KIAA1328: variants seen among roughly 807,000 people sequenced by gnomAD.
KIAA1328 encodes KIAA1328.
A neutral mutation model predicts 68.1 loss-of-function variants in KIAA1328; 52 were observed. The ratio of observed to expected loss-of-function variants is 0.76; its 90% confidence interval spans 0.61 to 0.96. The LOEUF (loss-of-function observed/expected upper bound fraction) is 0.96, where lower values mean the gene tolerates loss of function less well. KIAA1328 is among the 40% of genes least tolerant of loss of function. The pLI is 0.00. For synonymous variants in KIAA1328, 232 were observed against 239.4 expected (o/e 0.97, Z 0.28); for missense variants, 641 against 677.6 (o/e 0.95, Z 0.60).
intron 9 of KIAA1328, among the ~76,000 whole-genome samples, chr18:37,174,522 A>G (rs908559550): frequency 3.3e-5 from 5 of 149,706 alleles, no homozygotes; most frequent in South Asian, 2.1e-4. Context: ...AGCTGGGACT[A>G]CAGGCGCCCA....
chr18:36,852,684 A>T (rs900828587), intron 4 of KIAA1328, among the ~76,000 whole-genome samples: 8 of 152,156 alleles, frequency 5.3e-5, no homozygotes, highest in African/African-American at 1.9e-4. Context: ...CCCTTCTTTA[A>T]AACAGTTTCT....
chr18:37,002,224 T>C (rs1337820673), intron 6 of KIAA1328, among the ~76,000 whole-genome samples: 1 of 126,982 alleles, frequency 7.9e-6, no homozygotes, highest in Non-Finnish European at 1.6e-5. Flanking sequence ...CTTCATTTTT[T>C]TTTCTTTTTT....
chr18:36,949,598 C>G (rs1598796036), intron 5 of KIAA1328, among the ~76,000 whole-genome samples: 1 of 2,816 alleles, frequency 3.6e-4, no homozygotes, highest in Non-Finnish European at 1.7e-3. Context: ...CTACCCAGCT[C>G]CCCCCCCCCC....
At chr18:37,106,346 A>G (rs1450716618) in intron 7 of KIAA1328, among the ~76,000 whole-genome samples, 2 of 152,128 alleles carry the variant, frequency 1.3e-5, no homozygotes, top group African/African-American at 2.4e-5. Flanking sequence ...GCAACTGCCA[A>G]TGGATATGAA....
intron 6 of KIAA1328, among the ~76,000 whole-genome samples, chr18:37,026,675 C>T (rs1282372777): frequency 6.6e-6 from 1 of 152,118 alleles, no homozygotes; most frequent in African/African-American, 2.4e-5. Flanking sequence ...ATTCAACAGC[C>T]CTTCATGCTA....
chr18:36,935,701 T>G (rs2050474296), intron 5 of KIAA1328, among the ~76,000 whole-genome samples: 3 of 152,208 alleles, frequency 2.0e-5, no homozygotes, highest in African/African-American at 7.2e-5. Flanking sequence ...CCCTCAGTAC[T>G]TTGCACTGCT....
chr18:37,221,508 G>T (rs1296990728), intron 9 of KIAA1328, among the ~76,000 whole-genome samples: 1 of 152,182 alleles, frequency 6.6e-6, no homozygotes, highest in Non-Finnish European at 1.5e-5. Context: ...GAGAGTGCTG[G>T]AGACAAACCA....
intron 4 of KIAA1328, among the ~76,000 whole-genome samples, chr18:36,870,084 G>A (rs1394251442): frequency 1.3e-5 from 2 of 151,968 alleles, no homozygotes; most frequent in Non-Finnish European, 2.9e-5. Context: ...GGATGGTCTC[G>A]ATCTCTTTAC....
At chr18:36,870,083 C>T (rs772101422) in intron 4 of KIAA1328, among the ~76,000 whole-genome samples, 8 of 151,980 alleles carry the variant, frequency 5.3e-5, no homozygotes, top group Non-Finnish European at 1.2e-4. Context: ...AGGATGGTCT[C>T]GATCTCTTTA....
intron 7 of KIAA1328, among the ~76,000 whole-genome samples, chr18:37,137,007 C>T (rs1312090327): frequency 6.6e-6 from 1 of 152,124 alleles, no homozygotes; most frequent in Non-Finnish European, 1.5e-5. Flanking sequence ...TGCTTCTGGA[C>T]AGAATTGAAG....
chr18:36,891,928 A>G (rs890725141), intron 5 of KIAA1328, among the ~76,000 whole-genome samples: 1 of 152,226 alleles, frequency 6.6e-6, no homozygotes, highest in Non-Finnish European at 1.5e-5. Flanking sequence ...TGAGGACTGT[A>G]TTAAGAATGA....
intron 4 of KIAA1328, among the ~76,000 whole-genome samples, chr18:36,877,040 A>T (rs186548780): frequency 2.0e-3 from 299 of 152,038 alleles, no homozygotes; most frequent in Non-Finnish European, 3.5e-3. Flanking sequence ...GGTCTGTGAG[A>T]CTGTTTATTA....
chr18:37,203,435 G>A (rs12961337), intron 9 of KIAA1328, among the ~76,000 whole-genome samples: 2,344 of 151,796 alleles, frequency 0.015, 34 homozygotes, highest in Non-Finnish European at 0.023. Context: ...AAAAATCCTC[G>A]TCTTTCTTAT....
chr18:36,976,626 C>T (rs1184011307), intron 6 of KIAA1328, among the ~76,000 whole-genome samples: 7 of 151,626 alleles, frequency 4.6e-5, no homozygotes, highest in Non-Finnish European at 8.8e-5. Flanking sequence ...ATATTTATTA[C>T]GTTGTTTATA....
At chr18:36,917,252 T>A (rs1404647849) in intron 5 of KIAA1328, among the ~76,000 whole-genome samples, 1 of 152,232 alleles carries the variant, frequency 6.6e-6, no homozygotes, top group South Asian at 2.1e-4. Context: ...CTGAAGAGGT[T>A]TTTTTTGTTT....
chr18:36,885,548 T>TA lies in KIAA1328; in HGVS notation c.333-9_333-8insA. On this transcript the variant is annotated splice_polypyrimidine_tract_variant and intron_variant, in intron 4 of 9. Transcript: ENST00000280020. ...ATAGATGTTAAAGGTTTTTTTTTTT[T>TA]TATTTCAGAGTAAGTGAGGAAAAGG... 3.4e-6 allele frequency: 5 copies of TA among 1,478,332 alleles called. No homozygotes were observed. The highest frequency in any genetic ancestry group is 4.5e-6 in the Non-Finnish European group (5 of 1,107,150). 91.6% of individuals were successfully genotyped at this position (1,478,332 alleles called of 1,614,324 possible). A position where few individuals can be genotyped will look rare whatever the true frequency, so the allele number is the denominator to read the frequency against.
intron 7 of KIAA1328, among the ~76,000 whole-genome samples, chr18:37,111,480 G>T (rs1012548874): frequency 1.3e-5 from 2 of 152,152 alleles, no homozygotes; most frequent in Non-Finnish European, 2.9e-5. Context: ...CCCATAACTT[G>T]TCAACTTGGC....
intron 7 of KIAA1328, among the ~76,000 whole-genome samples, chr18:37,158,682 C>T (rs2059210042): frequency 2.0e-5 from 3 of 151,880 alleles, no homozygotes; most frequent in Admixed American, 2.0e-4. Flanking sequence ...AATTAGAAGC[C>T]AAGTTTCCAG....
intron 6 of KIAA1328, among the ~76,000 whole-genome samples, chr18:36,991,641 T>A (rs1423753520): frequency 6.6e-6 from 1 of 152,226 alleles, no homozygotes; most frequent in African/African-American, 2.4e-5. Flanking sequence ...TTCTTGAATT[T>A]GAGCTAGGTG....
Sources: gnomAD v4.1 joint callset for allele counts (sites outside exome capture counted in the v4.1 genomes callset) on GRCh38, gnomAD v4.1.1 for gene constraint, MANE v1.5 for transcripts, NCBI Gene and HGNC (gene_info 2026-07-23, HGNC 2026-07-21) for gene names.